GRXCR1: variants seen among roughly 807,000 people sequenced by gnomAD.
GRXCR1 encodes glutaredoxin domain-containing cysteine-rich protein 1.
A neutral mutation model predicts 27.3 loss-of-function variants in GRXCR1; 27 were observed. The ratio of observed to expected loss-of-function variants is 0.99; its 90% CI spans 0.73 to 1.37. GRXCR1 has a LOEUF of 1.37. Among genes scored for constraint, GRXCR1 ranks in the 40% most tolerant of loss-of-function variants. The pLI is 0.00. For synonymous variants in GRXCR1, 122 were observed against 131.1 expected (o/e 0.93, Z 0.47); for missense variants, 379 against 354.4 (o/e 1.07, Z -0.56).
intron 1 of GRXCR1, among the ~76,000 whole-genome samples, chr4:42,936,147 C>A (rs1560655988): frequency 6.6e-6 from 1 of 151,790 alleles, no homozygotes; most frequent in East Asian, 1.9e-4. Flanking sequence ...TTTGGAGTGA[C>A]TTTGTTTCTT....
chr4:43,020,795 C>T (rs1383804284), intron 3 of GRXCR1, among the ~76,000 whole-genome samples: 1 of 152,158 alleles, frequency 6.6e-6, no homozygotes, highest in Admixed American at 6.5e-5. Flanking sequence ...CTTACTACAT[C>T]ATTTATAAAG....
chr4:43,020,112 C>G (rs755793304), intron 2 of GRXCR1, among the ~76,000 whole-genome samples: 15 of 152,020 alleles, frequency 9.9e-5, no homozygotes, highest in Non-Finnish European at 1.6e-4. Context: ...TTGTGGGTTT[C>G]CTGGAGCTTG....
chr4:42,895,042 A>G (rs1746316604), intron 1 of GRXCR1, among the ~76,000 whole-genome samples: 3 of 152,106 alleles, frequency 2.0e-5, no homozygotes, highest in Admixed American at 2.0e-4. Flanking sequence ...GCATCTGTTT[A>G]TTCAAATCTC....
chr4:42,991,493 T>C (rs2109791229), intron 2 of GRXCR1, among the ~76,000 whole-genome samples: 1 of 152,036 alleles, frequency 6.6e-6, no homozygotes, highest in African/African-American at 2.4e-5. Flanking sequence ...TATATATATC[T>C]GTCATTCATT....
At chr4:42,910,365 G>A (rs1037453083) in intron 1 of GRXCR1, among the ~76,000 whole-genome samples, 1 of 151,304 alleles carries the variant, frequency 6.6e-6, no homozygotes, top group African/African-American at 2.4e-5. Context: ...GCCTTCTGAG[G>A]AATATTTAGA....
intron 2 of GRXCR1, among the ~76,000 whole-genome samples, chr4:42,978,827 C>A (rs2109783561): frequency 6.6e-6 from 1 of 151,206 alleles, no homozygotes; most frequent in South Asian, 2.1e-4. Context: ...CTATAATCCC[C>A]CTGGTCAAGA....
At chr4:42,980,368 TA>T (rs1338623867) in intron 2 of GRXCR1, among the ~76,000 whole-genome samples, 1 of 151,984 alleles carries the variant, frequency 6.6e-6, no homozygotes, top group Non-Finnish European at 1.5e-5. Flanking sequence ...AAGATATTTT[TA>T]AAATTTTGTT....
chr4:42,927,923 G>A (rs1747210880), intron 1 of GRXCR1, among the ~76,000 whole-genome samples: 1 of 151,948 alleles, frequency 6.6e-6, no homozygotes, highest in South Asian at 2.1e-4. Flanking sequence ...GCAGAGAAGG[G>A]AAGAAAACCA....
At chr4:42,970,140 C>A (rs1242048724) in intron 2 of GRXCR1, among the ~76,000 whole-genome samples, 3 of 152,164 alleles carry the variant, frequency 2.0e-5, no homozygotes. Context: ...GCTCCCAATG[C>A]CTTGGGCAGT....
At chr4:42,913,119 G>A (rs1436985512) in intron 1 of GRXCR1, among the ~76,000 whole-genome samples, 1 of 152,120 alleles carries the variant, frequency 6.6e-6, no homozygotes, top group African/African-American at 2.4e-5. Flanking sequence ...CCAGTCTCAG[G>A]CATTTCTTCA....
chr4:42,987,256 TATATAATATATATATATATATAGAGAGAG>T (rs1711792944), intron 2 of GRXCR1, among the ~76,000 whole-genome samples: 1 of 79,756 alleles, frequency 1.3e-5, no homozygotes, highest in Non-Finnish European at 2.6e-5. Flanking sequence ...ATAATATATA[TATATAATATATATATATATATAGAGAGAG>T]AGAGAGAGAG....
intron 2 of GRXCR1, among the ~76,000 whole-genome samples, chr4:42,996,978 A>G (rs1036977488): frequency 2.0e-5 from 3 of 152,024 alleles, no homozygotes; most frequent in Non-Finnish European, 2.9e-5. Flanking sequence ...CCTGAATATT[A>G]TTTACTTCTG....
At chr4:42,914,452 T>C (rs1419522221) in intron 1 of GRXCR1, among the ~76,000 whole-genome samples, 1 of 152,238 alleles carries the variant, frequency 6.6e-6, no homozygotes, top group Non-Finnish European at 1.5e-5. Flanking sequence ...CCCCTTTGTT[T>C]TGGCCAATTT....
At chr4:42,954,549 C>T (rs1431216506) in intron 1 of GRXCR1, among the ~76,000 whole-genome samples, 7 of 152,108 alleles carry the variant, frequency 4.6e-5, no homozygotes, top group Admixed American at 4.6e-4. Context: ...GTCTATAAAA[C>T]CTGGGCCATA....
intron 2 of GRXCR1, among the ~76,000 whole-genome samples, chr4:43,016,431 C>G (rs187693201): frequency 1.2e-3 from 190 of 152,192 alleles, no homozygotes; most frequent in African/African-American, 4.5e-3. Flanking sequence ...GTGGAGACAG[C>G]CTTCTCCTTT....
chr4:42,906,283 T>A (rs1400529078), intron 1 of GRXCR1, among the ~76,000 whole-genome samples: 2 of 152,184 alleles, frequency 1.3e-5, no homozygotes, highest in Non-Finnish European at 2.9e-5. Flanking sequence ...AGTAAGATGC[T>A]GTCCAATTTT....
intron 2 of GRXCR1, among the ~76,000 whole-genome samples, chr4:42,990,830 C>CAT (rs1026944001): frequency 3.3e-5 from 5 of 152,076 alleles, no homozygotes; most frequent in African/African-American, 1.2e-4. Flanking sequence ...CTCCTTTTTA[C>CAT]ATATATATAT....
At chr4:42,974,289 T>A (rs372497884) in intron 2 of GRXCR1, among the ~76,000 whole-genome samples, 1 of 152,128 alleles carries the variant, frequency 6.6e-6, no homozygotes. Flanking sequence ...ATGAGTCATC[T>A]TCTTGTGGGT....
intron 1 of GRXCR1, among the ~76,000 whole-genome samples, chr4:42,912,359 A>T (rs1452478746): frequency 6.6e-6 from 1 of 152,192 alleles, no homozygotes. Flanking sequence ...GGTGGAATTC[A>T]TGCTTCATTT....
Sources: gnomAD v4.1 joint callset for allele counts (sites outside exome capture counted in the v4.1 genomes callset) on GRCh38, gnomAD v4.1.1 for gene constraint, MANE v1.5 for transcripts, NCBI Gene and HGNC (gene_info 2026-07-23, HGNC 2026-07-21) for gene names.